Variants in WDHD1 observed in about 807,000 individuals in gnomAD.
The protein encoded by WDHD1 is WD repeat and HMG-box DNA-binding protein 1.
WDHD1 carries 111 observed loss-of-function variants against 135.4 expected under a neutral mutation model. The ratio of observed to expected loss-of-function variants is 0.82; its 90% CI spans 0.70 to 0.96. The LOEUF is 0.96. Ranked by LOEUF, WDHD1 falls within the 40% of genes least tolerant of loss-of-function variation. The pLI is 0.00. For synonymous variants in WDHD1, 434 were observed against 439.0 expected (o/e 0.99, Z 0.14); for missense variants, 1,351 against 1,336.3 (o/e 1.01, Z -0.17).
At chr14:54,998,271 C>T (rs2041918770) in intron 10 of WDHD1, among the ~76,000 whole-genome samples, 1 of 151,736 alleles carries the variant, frequency 6.6e-6, no homozygotes, top group Admixed American at 6.6e-5. Context: ...ATAAAATGTT[C>T]ACAGATGTGA....
intron 25 of WDHD1, among the ~76,000 whole-genome samples, chr14:54,943,602 T>C (rs1237916019): frequency 6.6e-6 from 1 of 152,156 alleles, no homozygotes; most frequent in African/African-American, 2.4e-5. Context: ...ATCACTATGT[T>C]GTCTAGGCTG....
In WDHD1 at chr14:54,989,126, G is replaced by C; in HGVS notation, c.1428C>G (p.His476Gln). Residue 476 changes from histidine (H) to glutamine (Q), a missense_variant, in exon 13 of 26, where the codon CAC becomes CAG. This residue lies in a region of WDHD1 where 1,330 missense variants were observed against 1,296.1 expected (regional missense o/e 1.03). Coordinates refer to ENST00000360586, the MANE Select transcript of WDHD1 (RefSeq NM_007086.4). ...IDVEFHDTSI[H>Q]HATHLSNTLN... ...AAGTGTTTGATAAGTGTGTTGCATG[G>C]TGTATGGAGGTATCATGGAACTCCA... 1.9e-6 allele frequency: 3 copies of C among 1,613,528 alleles called. No homozygotes were observed. The highest frequency in any genetic ancestry group is 2.5e-6 in the Non-Finnish European group (3 of 1,179,672).
At chr14:54,961,840 CTTT>C (rs548999730) in intron 21 of WDHD1, among the ~76,000 whole-genome samples, 2 of 143,146 alleles carry the variant, frequency 1.4e-5, no homozygotes, top group Non-Finnish European at 1.5e-5. Context: ...TTTTCAACTC[CTTT>C]TTTTTTTTTT....
At chr14:54,988,672 G>A (rs1448944072) in intron 13 of WDHD1, among the ~76,000 whole-genome samples, 1 of 149,964 alleles carries the variant, frequency 6.7e-6, no homozygotes, top group African/African-American at 2.5e-5. Flanking sequence ...TTCATTTTCC[G>A]AAACTTCTAT....
At chr14:54,956,638 T>A (rs932931187) in intron 23 of WDHD1, among the ~76,000 whole-genome samples, 44 of 152,008 alleles carry the variant, frequency 2.9e-4, no homozygotes, top group African/African-American at 1.0e-3. Context: ...TGAGCCTCTG[T>A]CTCAAAAAAG....
At chr14:55,002,022 A>G in intron 8 of WDHD1, 71 bp downstream of exon 8, 1 of 1,085,454 alleles carries the variant, frequency 9.2e-7, no homozygotes, top group South Asian at 1.4e-5. Context: ...TTTAACTGCA[A>G]CTGTATTCAG....
chr14:54,997,089 CTTTTTTTTTTT>C (rs71131246), intron 10 of WDHD1, among the ~76,000 whole-genome samples: 2 of 41,204 alleles, frequency 4.9e-5, no homozygotes, highest in Admixed American at 4.0e-4. Context: ...AGCGCCCAGC[CTTTTTTTTTTT>C]TTTTTTTTTT....
At chr14:54,966,627 G>C (rs769461332) in intron 17 of WDHD1, 21 bp from the exon 18 acceptor site, 1 of 1,590,090 alleles carries the variant, frequency 6.3e-7, no homozygotes, top group African/African-American at 1.4e-5. Flanking sequence ...AAATAAAATT[G>C]CTTAAGGCCA....
chr14:54,983,771 G>A (rs891981251), intron 15 of WDHD1, among the ~76,000 whole-genome samples: 22 of 151,616 alleles, frequency 1.5e-4, no homozygotes, highest in African/African-American at 5.3e-4. Context: ...CTCCTGCCTC[G>A]GCCTCCCAGA....
chr14:55,004,716 G>T (rs2042035069), intron 7 of WDHD1: 4 of 360,828 alleles, frequency 1.1e-5, no homozygotes, highest in South Asian at 8.5e-5. Flanking sequence ...GCCTCCCAAA[G>T]TGCTGGGATT....
At chr14:54,971,195 A>G (rs1056979661) in intron 16 of WDHD1, among the ~76,000 whole-genome samples, 1 of 152,242 alleles carries the variant, frequency 6.6e-6, no homozygotes, top group African/African-American at 2.4e-5. Flanking sequence ...TTCATGACTA[A>G]GTCCACAAAA....
intron 24 of WDHD1, among the ~76,000 whole-genome samples, chr14:54,952,031 T>C (rs1327165768): frequency 6.6e-6 from 1 of 152,154 alleles, no homozygotes; most frequent in Non-Finnish European, 1.5e-5. Flanking sequence ...CCACAGCCAA[T>C]ATCATACTGA....
intron 12 of WDHD1, 38 bp from the exon 13 acceptor site, chr14:54,989,250 A>C (rs1390648706): frequency 6.6e-7 from 1 of 1,513,954 alleles, no homozygotes; most frequent in Non-Finnish European, 9.0e-7. Flanking sequence ...TCTGAGAAAA[A>C]CTGAAGCTCC....
chr14:55,010,849 GC>G (rs1422329855), intron 3 of WDHD1, among the ~76,000 whole-genome samples: 1 of 152,226 alleles, frequency 6.6e-6, no homozygotes, highest in African/African-American at 2.4e-5. Context: ...AATGGCCACT[GC>G]CCTATGTTTC....
At chr14:54,982,200 G>A (rs1189548553) in intron 15 of WDHD1, among the ~76,000 whole-genome samples, 2 of 151,636 alleles carry the variant, frequency 1.3e-5, no homozygotes, top group African/African-American at 2.4e-5. Flanking sequence ...TAGTAGAGAC[G>A]GGGTTTCACC....
At chr14:54,999,352 G>A (rs556203469) in intron 10 of WDHD1, among the ~76,000 whole-genome samples, 2 of 152,128 alleles carry the variant, frequency 1.3e-5, no homozygotes, top group African/African-American at 2.4e-5. Flanking sequence ...GTGAAGATGG[G>A]GGAGGGCAGG....
intron 2 of WDHD1, among the ~76,000 whole-genome samples, chr14:55,022,825 T>TTTC (rs2042372893): frequency 8.1e-6 from 1 of 122,774 alleles, no homozygotes; most frequent in African/African-American, 4.1e-5. Flanking sequence ...TTTCTCTTTC[T>TTTC]TTTTTTTTTT....
At chr14:54,965,141 T>C (rs1293197508) in intron 18 of WDHD1, among the ~76,000 whole-genome samples, 3 of 152,236 alleles carry the variant, frequency 2.0e-5, no homozygotes, top group African/African-American at 7.2e-5. Flanking sequence ...CCATTCACTC[T>C]TGTCAACAAA....
intron 11 of WDHD1, among the ~76,000 whole-genome samples, chr14:54,993,064 C>T (rs1214379676): frequency 6.6e-6 from 1 of 152,094 alleles, no homozygotes; most frequent in Admixed American, 6.6e-5. Flanking sequence ...CAAAATTAAA[C>T]ATGATTTTAA....
Sources: gnomAD v4.1 joint callset for allele counts (sites outside exome capture counted in the v4.1 genomes callset) on GRCh38, gnomAD v4.1.1 for gene constraint, gnomAD v4.1.1 regional missense constraint, MANE v1.5 for transcripts, NCBI Gene and HGNC (gene_info 2026-07-23, HGNC 2026-07-21) for gene names.